Variants in PANK1 observed in about 807,000 individuals in gnomAD.
PANK1 encodes pantothenate kinase 1, also known as pantothenic acid kinase 1.
A neutral mutation model predicts 40.1 loss-of-function variants in PANK1; 18 were observed. The observed-to-expected ratio is 0.45, with a 90% CI of 0.31 to 0.67. The LOEUF (loss-of-function observed/expected upper bound fraction) is 0.67. Ranked by LOEUF, PANK1 falls within the 30% of genes least tolerant of loss-of-function variation. The pLI is 0.06. For synonymous variants in PANK1, 242 were observed against 237.7 expected (o/e 1.02, Z -0.17); for missense variants, 457 against 599.6 (o/e 0.76, Z 2.48).
Position 89,599,411 on chromosome 10 carries a change from T to C in PANK1, c.740A>G (p.Glu247Gly). 1 of 1,614,036 alleles carries C rather than the reference T, an allele frequency of 6.2e-7. No homozygotes were observed. The highest frequency in any genetic ancestry group is 8.5e-7 in the Non-Finnish European group (1 of 1,179,888). The part of the protein sequence containing the change: ...VDSVGFNGKP[E>G]CYYFENPTNP... ...TGTGGGATTTTCAAAATAGTAACAT[T>C]CTGGCTTGCCGTTGAAGCCAACAGA... The change falls in exon 3 of 7, where the codon GAA becomes GGA. Residue 247 changes from glutamate to glycine, a missense_variant. Coordinates refer to ENST00000307534, the MANE Select transcript of PANK1 (RefSeq NM_148977.3).
rs983951586 is a variant in PANK1, at chr10:89,592,882, C to T, written c.1200+315G>A. 5.5e-6 allele frequency: 3 copies of T among 542,800 alleles called. No individual in the cohort carries two copies. The African/African-American group carries it at 5.6e-5, about 10-fold the overall frequency. 33.6% of individuals were successfully genotyped at this position (542,800 alleles called of 1,614,324 possible). A position where few individuals can be genotyped will look rare whatever the true frequency, so the allele number is the denominator to read the frequency against. On this transcript the variant is annotated intron_variant, in intron 5 of 6. Transcript: ENST00000307534. ...ACCTGCAGTTATGTGCAAGGATGCT[C>T]AGACCTTTTCCTCACATTTCAGTGG...
chr10:89,589,903 A>G lies in PANK1; in HGVS notation c.1201-1126T>C, dbSNP rs545304498. Among the ~76,000 whole-genome samples the G allele has an allele frequency of 1.1e-3, 174 of 152,066 alleles. 2 individuals are homozygous for G. Among genetic ancestry groups the G allele is most frequent in the African/African-American group, 4.0e-3 (165 of 41,546 alleles). On this transcript the variant is annotated intron_variant, in intron 5 of 6. Coordinates refer to ENST00000307534, the MANE Select transcript of PANK1 (RefSeq NM_148977.3). Reference sequence around the variant, plus strand: ...CCTTTCTCCCAAAACAGGGGAGTCCAAGGGAGGATTTGCTCAAAGCCCAGT... The same window carrying G: ...CCTTTCTCCCAAAACAGGGGAGTCCGAGGGAGGATTTGCTCAAAGCCCAGT...
intron 2 of PANK1, among the ~76,000 whole-genome samples, chr10:89,601,427 G>A (rs988998630): frequency 6.6e-6 from 1 of 151,276 alleles, no homozygotes; most frequent in African/African-American, 2.4e-5. Flanking sequence ...GCTGCAGCGA[G>A]CCATGGTCGT....
At chr10:89,599,690 A>G (rs577274655) in intron 2 of PANK1, among the ~76,000 whole-genome samples, 185 bp from the exon 3 acceptor site, 1 of 152,324 alleles carries the variant, frequency 6.6e-6, no homozygotes, top group Admixed American at 6.5e-5. Context: ...GCTAGATGTC[A>G]TACCTGCCCA....
At chr10:89,644,501 C>T in intron 1 of PANK1, 99 bp downstream of exon 1, 1 of 1,082,922 alleles carries the variant, frequency 9.2e-7, no homozygotes, top group Non-Finnish European at 1.3e-6. Flanking sequence ...CGCGGGGGCG[C>T]ACGGGGCGTG....
At chr10:89,579,971 C>G (rs113201415), downstream of PANK1, 1 of 152,164 alleles carries the variant, frequency 6.6e-6, no homozygotes, top group Non-Finnish European at 1.5e-5. Flanking sequence ...ACCTAATAAA[C>G]GATGTACACT....
rs1161811282 is a variant in PANK1, at chr10:89,584,012, T to G, written c.*394A>C. On this transcript the variant is annotated 3_prime_UTR_variant, in exon 7 of 7. Transcript: ENST00000307534. ...GAAAAATATAAGTCAAGGTAAAATC[T>G]CCTAGAGTAATTACTAAATGAAGTT... 1.8e-5 allele frequency: 3 copies of G among 163,504 alleles called. No individual in the cohort carries two copies. Among genetic ancestry groups the G allele is most frequent in the Non-Finnish European group, 4.0e-5 (3 of 75,652 alleles). The allele number at this position is 163,504 out of a possible 1,614,324, so 10.1% of individuals were successfully genotyped here. A position where few individuals can be genotyped will look rare whatever the true frequency, so the allele number is the denominator to read the frequency against.
chr10:89,595,728 G>A (rs1334973780), intron 3 of PANK1, among the ~76,000 whole-genome samples: 3 of 147,486 alleles, frequency 2.0e-5, no homozygotes, highest in Non-Finnish European at 3.0e-5. Flanking sequence ...GCTGAGGTGC[G>A]GGGATTACTT....
intron 2 of PANK1, among the ~76,000 whole-genome samples, chr10:89,610,141 G>T (rs7921294): frequency 0.54 from 82,629 of 152,094 alleles, 23,330 homozygotes; most frequent in South Asian, 0.63. Flanking sequence ...AGCACAAGAA[G>T]GCTATACTTT....
At position 89,599,616 on chromosome 10, in the gene PANK1, C is replaced by A. The variant is rs1844714857; in HGVS notation, c.646-111G>T. ...GTCATTCACATGAAAAGCATGGAGA[C>A]ACCCTTAAAACAAGTTGTAAAATCT... On this transcript the variant is annotated intron_variant, in intron 2 of 6. Transcript: ENST00000307534. The A allele has an allele frequency of 6.7e-6, 7 of 1,048,976 alleles. No homozygotes were observed. The South Asian group carries it at 1.1e-4, about 17-fold the overall frequency. 65.0% of individuals were successfully genotyped at this position (1,048,976 alleles called of 1,614,324 possible). A position where few individuals can be genotyped will look rare whatever the true frequency, so the allele number is the denominator to read the frequency against.
chr10:89,629,919 C>T (rs955999753), intron 1 of PANK1, among the ~76,000 whole-genome samples: 19 of 152,134 alleles, frequency 1.2e-4, no homozygotes, highest in Non-Finnish European at 2.6e-4. Context: ...ACTAAAAATA[C>T]CTAACAACTC....
intron 1 of PANK1, among the ~76,000 whole-genome samples, chr10:89,635,139 T>TAG (rs1342659796): frequency 2.1e-3 from 305 of 148,658 alleles, no homozygotes; most frequent in South Asian, 6.6e-3. Flanking sequence ...TATATATATA[T>TAG]ATATAGAGAG....
At chr10:89,644,020 T>G (rs938762300) in intron 1 of PANK1, 3 of 396,874 alleles carry the variant, frequency 7.6e-6, no homozygotes, top group Admixed American at 4.4e-5. Context: ...GGTGTGTCCC[T>G]CCCAAAAAAC....
intron 1 of PANK1, among the ~76,000 whole-genome samples, chr10:89,639,848 T>G (rs1280717064): frequency 6.6e-6 from 1 of 152,244 alleles, no homozygotes; most frequent in African/African-American, 2.4e-5. Context: ...ACTTAGTGCC[T>G]AGCACATAGT....
At chr10:89,627,987 G>A (rs914980581) in intron 1 of PANK1, among the ~76,000 whole-genome samples, 2 of 152,098 alleles carry the variant, frequency 1.3e-5, no homozygotes, top group African/African-American at 4.8e-5. Context: ...AATGAGATAC[G>A]ACTTAAAACC....
intron 1 of PANK1, among the ~76,000 whole-genome samples, chr10:89,619,776 A>G (rs1339153621): frequency 1.3e-5 from 2 of 152,198 alleles, no homozygotes; most frequent in African/African-American, 4.8e-5. Context: ...TCTTTTTCCA[A>G]TATTTGTAAA....
chr10:89,638,495 C>G (rs1841888592), intron 1 of PANK1, among the ~76,000 whole-genome samples: 1 of 152,232 alleles, frequency 6.6e-6, no homozygotes, highest in South Asian at 2.1e-4. Flanking sequence ...CATTCTCTAC[C>G]ACATGGCCAG....
chr10:89,594,017 A>C (rs1751616914), intron 3 of PANK1, 28 bp from the exon 4 acceptor site: 1 of 1,568,706 alleles, frequency 6.4e-7, no homozygotes, highest in African/African-American at 1.4e-5. Flanking sequence ...TTTATTTTTA[A>C]ATTTTACTTT....
At chr10:89,612,137 T>C (rs1845176599) in intron 1 of PANK1, 89 bp from the exon 2 acceptor site, 2 of 1,010,484 alleles carry the variant, frequency 2.0e-6, no homozygotes, top group African/African-American at 1.6e-5. Context: ...AAAGCAGTGG[T>C]ATCATATCTA....
Sources: gnomAD v4.1 joint callset for allele counts (sites outside exome capture counted in the v4.1 genomes callset) on GRCh38, gnomAD v4.1.1 for gene constraint, MANE v1.5 for transcripts, NCBI Gene and HGNC (gene_info 2026-07-23, HGNC 2026-07-21) for gene names.